Variants in PHACTR4 observed in about 807,000 individuals in gnomAD.
PHACTR4 encodes protein phosphatase 1, regulatory subunit 124.
In PHACTR4, 51 loss-of-function variants were observed where a neutral mutation model predicts 72.7. That is an observed-to-expected ratio of 0.70 (90% CI 0.56 to 0.89). The LOEUF (loss-of-function observed/expected upper bound fraction) is 0.89. PHACTR4 is among the 40% of genes least tolerant of loss of function. The pLI is 0.00. For missense variants in PHACTR4, 731 were observed against 861.8 expected (o/e 0.85, Z 1.90); for synonymous variants, 255 against 302.5 (o/e 0.84, Z 1.63).
chr1:28,381,370 C>T (rs946449584), intron 1 of PHACTR4, among the ~76,000 whole-genome samples: 2 of 142,844 alleles, frequency 1.4e-5, no homozygotes, highest in African/African-American at 5.3e-5. Context: ...GTGATCTCAG[C>T]TCACTGCAAC....
At chr1:28,471,306 G>C (rs1017970184) in intron 6 of PHACTR4, among the ~76,000 whole-genome samples, 1 of 151,928 alleles carries the variant, frequency 6.6e-6, no homozygotes, top group Non-Finnish European at 1.5e-5. Flanking sequence ...CCGAGATGGC[G>C]CCATTGCACT....
chr1:28,452,535 T>A (rs923472485), intron 2 of PHACTR4, among the ~76,000 whole-genome samples: 1 of 151,840 alleles, frequency 6.6e-6, no homozygotes, highest in Non-Finnish European at 1.5e-5. Flanking sequence ...CTGGGCACAA[T>A]GGCTCATGCC....
At chr1:28,470,124 G>T (rs1438817218) in intron 6 of PHACTR4, among the ~76,000 whole-genome samples, 1 of 151,788 alleles carries the variant, frequency 6.6e-6, no homozygotes, top group African/African-American at 2.4e-5. Context: ...AGGCACAGTG[G>T]CTCAATGCCT....
chr1:28,392,862 A>G (rs1244985610), intron 1 of PHACTR4, among the ~76,000 whole-genome samples: 1 of 152,172 alleles, frequency 6.6e-6, no homozygotes, highest in Non-Finnish European at 1.5e-5. Flanking sequence ...CTATCTGTGA[A>G]ATTGTGAAGA....
chr1:28,432,281 A>G (rs145335740), intron 2 of PHACTR4, among the ~76,000 whole-genome samples: 3 of 151,490 alleles, frequency 2.0e-5, no homozygotes, highest in African/African-American at 7.3e-5. Flanking sequence ...CAGTTCTTTA[A>G]TAAAACAAGG....
chr1:28,375,332 CA>C (rs1192475482), intron 1 of PHACTR4, among the ~76,000 whole-genome samples: 19 of 116,522 alleles, frequency 1.6e-4, no homozygotes, highest in Admixed American at 7.7e-4. Context: ...CCCACCCCCC[CA>C]AAAAAAAAAC....
chr1:28,421,153 A>G (rs1222843526), intron 2 of PHACTR4, among the ~76,000 whole-genome samples: 1 of 152,198 alleles, frequency 6.6e-6, no homozygotes, highest in Non-Finnish European at 1.5e-5. Flanking sequence ...CTTATTCAAA[A>G]TGACCTTTCA....
chr1:28,369,760 A>G lies in PHACTR4; in HGVS notation c.-104A>G, dbSNP rs749128015. On this transcript the variant is annotated 5_prime_UTR_variant, in exon 1 of 14. Transcript: ENST00000373839. Reference sequence around the variant, plus strand: ...GGCTCCGGCTGCTGCCTGGCGGCCAACGGGCCAGGTAGGATTTCCGGGAGA... The same window carrying G: ...GGCTCCGGCTGCTGCCTGGCGGCCAGCGGGCCAGGTAGGATTTCCGGGAGA... The G allele has an allele frequency of 2.7e-5, 12 of 446,792 alleles. No homozygotes were observed. The highest frequency in any genetic ancestry group is 2.2e-4 in the African/African-American group (11 of 48,982). The allele number at this position is 446,792 out of a possible 1,614,324, so 27.7% of individuals were successfully genotyped here. A position where few individuals can be genotyped will look rare whatever the true frequency, so the allele number is the denominator to read the frequency against.
intron 3 of PHACTR4, 91 bp downstream of exon 3, chr1:28,459,349 G>GTCC: frequency 1.0e-6 from 1 of 993,822 alleles, no homozygotes; most frequent in Non-Finnish European, 1.5e-6. Flanking sequence ...AGTTTCTGTA[G>GTCC]TCCTCTATTT....
At chr1:28,430,974 G>A (rs536349325) in intron 2 of PHACTR4, among the ~76,000 whole-genome samples, 31 of 141,140 alleles carry the variant, frequency 2.2e-4, no homozygotes, top group African/African-American at 7.7e-4. Flanking sequence ...TCGGGAGATC[G>A]AGACCATCTT....
chr1:28,491,025 G>A lies in PHACTR4; in HGVS notation c.1878+13G>A. ...GCTCACTAGAAAGGTACTACTGCCT[G>A]TGTGTTCAGTTAACTATATGTGTTA... On this transcript the variant is annotated intron_variant, in intron 11 of 13. Transcript: ENST00000373839. 3 of 1,609,036 alleles carry A rather than the reference G, an allele frequency of 1.9e-6. No homozygotes were observed. The highest frequency in any genetic ancestry group is 2.6e-6 in the Non-Finnish European group (3 of 1,175,600).
intron 2 of PHACTR4, among the ~76,000 whole-genome samples, chr1:28,424,606 A>C (rs373548635): frequency 1.3e-5 from 2 of 151,978 alleles, no homozygotes; most frequent in Admixed American, 6.6e-5. Flanking sequence ...CTCCTGCCTC[A>C]GCCTCCCAAG....
At chr1:28,417,355 A>G (rs1655168762) in intron 2 of PHACTR4, among the ~76,000 whole-genome samples, 1 of 152,222 alleles carries the variant, frequency 6.6e-6, no homozygotes, top group African/African-American at 2.4e-5. Flanking sequence ...TACCTGTGAT[A>G]AAGTTTGGAT....
intron 13 of PHACTR4, 91 bp downstream of exon 13, chr1:28,493,182 A>G (rs1661144025): frequency 9.3e-7 from 1 of 1,073,774 alleles, no homozygotes; most frequent in Non-Finnish European, 1.4e-6. Flanking sequence ...CATCAGTAAA[A>G]AGGAAAACAC....
chr1:28,381,455 C>T (rs953913496), intron 1 of PHACTR4, among the ~76,000 whole-genome samples: 7 of 151,768 alleles, frequency 4.6e-5, no homozygotes, highest in African/African-American at 1.7e-4. Context: ...CATGCCACCA[C>T]GCCTGGCTAA....
At chr1:28,403,053 G>A (rs11247807) in intron 1 of PHACTR4, among the ~76,000 whole-genome samples, 58,684 of 151,992 alleles carry the variant, frequency 0.39, 13,038 homozygotes, top group African/African-American at 0.6. Flanking sequence ...AGAATTGGAA[G>A]GTATCAGATG....
rs1570021571 is a variant in PHACTR4 at position 28,459,151 on chromosome 1, C to T, written c.83C>T (p.Thr28Ile). ...VLDSVEAGDTTPPTKRKSKFS... is the reference protein window; with the variant it reads ...VLDSVEAGDTIPPTKRKSKFS... ...GACAGTGTGGAAGCAGGAGACACAA[C>T]ACCTCCTACCAAAAGGAAGAGCAAG... The change falls in exon 3 of 14, where the codon ACA becomes ATA. Residue 28 changes from threonine (T) to isoleucine (I), a missense_variant. Transcript: ENST00000373839. 1 of 1,613,850 alleles carries T rather than the reference C, an allele frequency of 6.2e-7. No homozygotes were observed. The highest frequency in any genetic ancestry group is 8.5e-7 in the Non-Finnish European group (1 of 1,179,878).
intron 2 of PHACTR4, among the ~76,000 whole-genome samples, chr1:28,412,633 C>T (rs1654861638): frequency 1.3e-5 from 2 of 152,178 alleles, no homozygotes; most frequent in Admixed American, 6.5e-5. Context: ...CTCACCATTG[C>T]TTTTGTACCA....
intron 1 of PHACTR4, among the ~76,000 whole-genome samples, chr1:28,383,631 G>T (rs1652354777): frequency 6.6e-6 from 1 of 152,116 alleles, no homozygotes; most frequent in South Asian, 2.1e-4. Context: ...AAGGGATTGT[G>T]TTCCTGATTT....
Sources: gnomAD v4.1 joint callset for allele counts (sites outside exome capture counted in the v4.1 genomes callset) on GRCh38, gnomAD v4.1.1 for gene constraint, MANE v1.5 for transcripts, NCBI Gene and HGNC (gene_info 2026-07-23, HGNC 2026-07-21) for gene names.